FAM221A: variants seen among roughly 807,000 people sequenced by gnomAD.
FAM221A encodes protein FAM221A.
In FAM221A, 43 loss-of-function variants were observed where a neutral mutation model predicts 37.6. That is an observed-to-expected ratio of 1.15 (90% CI 0.90 to 1.48). The LOEUF is 1.48. FAM221A is among the 40% of genes most tolerant of loss of function. The pLI is 0.00. For synonymous variants in FAM221A, 135 were observed against 132.9 expected (o/e 1.02, Z -0.11); for missense variants, 361 against 361.5 (o/e 1.00, Z 0.01).
At chr7:23,697,820 T>C (rs1040689060) in intron 4 of FAM221A, among the ~76,000 whole-genome samples, 1 of 152,194 alleles carries the variant, frequency 6.6e-6, no homozygotes, top group Non-Finnish European at 1.5e-5. Context: ...GATGTGATCA[T>C]AGCTCACTGC....
At chr7:23,699,956 C>T (rs535461682) in intron 5 of FAM221A, among the ~76,000 whole-genome samples, 17 of 152,250 alleles carry the variant, frequency 1.1e-4, no homozygotes, top group East Asian at 1.9e-4. Flanking sequence ...CAAATGGTCC[C>T]ACATGATCCA....
In FAM221A at chr7:23,700,879, G is replaced by A. The variant is rs1785384114; in HGVS notation, c.828+11G>A. The A allele has an allele frequency of 6.3e-7, 1 of 1,583,194 alleles. No individual in the cohort carries two copies. Among genetic ancestry groups the A allele is most frequent in the Non-Finnish European group, 8.6e-7 (1 of 1,158,360 alleles). On this transcript the variant is annotated intron_variant, in intron 6 of 6. Coordinates refer to ENST00000344962, the MANE Select transcript of FAM221A (RefSeq NM_199136.5). ...CGATACCAGGAAAGGGTAGGTTTTT[G>A]AGGAAATTCAGTTGCACTAAGCATT...
chr7:23,694,584 C>T (rs1784942131), intron 4 of FAM221A: 1 of 152,150 alleles, frequency 6.6e-6, no homozygotes. Context: ...TTGTTTGAAC[C>T]ACATCACTTA....
chr7:23,700,692 AT>A (rs1429424270), intron 5 of FAM221A, 93 bp from the exon 6 acceptor site: 9 of 762,446 alleles, frequency 1.2e-5, no homozygotes, highest in Non-Finnish European at 1.9e-5. Context: ...AAAATAAAAC[AT>A]TATCACCGAG....
intron 2 of FAM221A, chr7:23,687,609 A>T (rs910342111): frequency 3.4e-5 from 5 of 148,846 alleles, no homozygotes; most frequent in African/African-American, 1.2e-4. Flanking sequence ...TTCTTGAAAC[A>T]TTATTAAATA....
At chr7:23,685,411 C>T (rs1044387144) in intron 2 of FAM221A, among the ~76,000 whole-genome samples, 2 of 152,162 alleles carry the variant, frequency 1.3e-5, no homozygotes, top group Admixed American at 1.3e-4. Context: ...AGTTCTCTTG[C>T]CATTGGTAAA....
At position 23,692,285 on chromosome 7, in the gene FAM221A, A is replaced by G. The variant is rs532090465; in HGVS notation, c.637+689A>G. ...AAGTTTTTTTTTTCTTTTTTACAAC[A>G]AGCATGTATTTTTTCATTTAAAAAT... On this transcript the variant is annotated intron_variant, in intron 4 of 6. Transcript: ENST00000344962. 4 of 693,782 alleles carry G rather than the reference A, an allele frequency of 5.8e-6. No individual in the cohort carries two copies. The South Asian group carries it at 2.0e-4, about 35-fold the overall frequency. 43.0% of individuals were successfully genotyped at this position (693,782 alleles called of 1,614,324 possible). A position where few individuals can be genotyped will look rare whatever the true frequency, so the allele number is the denominator to read the frequency against.
At position 23,684,515 on chromosome 7, in the gene FAM221A, G is replaced by T; in HGVS notation, c.82G>T (p.Asp28Tyr). 1 of 1,608,500 alleles carries T rather than the reference G, an allele frequency of 6.2e-7. No individual in the cohort carries two copies. The highest frequency in any genetic ancestry group is 8.5e-7 in the Non-Finnish European group (1 of 1,177,910). Reference sequence around the variant, plus strand: ...TTGTTGTAGAATTGTTGGTGAGGATGATGGAGGGAAACTTTTTACTCCTGA... The same window carrying T: ...TTGTTGTAGAATTGTTGGTGAGGATTATGGAGGGAAACTTTTTACTCCTGA... ...LEYRRIVGED[D>Y]GGKLFTPEEY... The change falls in exon 2 of 7, where the codon GAT becomes TAT. Residue 28 changes from aspartate (D) to tyrosine (Y), a missense_variant. By Grantham distance (160) the Asp-to-Tyr change is radical. Transcript: ENST00000344962.
intron 4 of FAM221A, chr7:23,692,862 T>C (rs551322595): frequency 1.8e-6 from 1 of 550,732 alleles, no homozygotes; most frequent in East Asian, 1.4e-4. Context: ...AGAGATAGGG[T>C]CTTGCTATGG....
chr7:23,700,325 T>C (rs1785342151), intron 5 of FAM221A, among the ~76,000 whole-genome samples: 1 of 152,210 alleles, frequency 6.6e-6, no homozygotes, highest in Non-Finnish European at 1.5e-5. Flanking sequence ...TATAAATTAG[T>C]GCTTGATCCA....
rs371705612 is a variant in FAM221A, at chr7:23,684,682, T to A, written c.239+10T>A. 9 of 1,572,186 alleles carry A rather than the reference T, an allele frequency of 5.7e-6. No homozygotes were observed. In the Middle Eastern group the frequency reaches 5.1e-4, roughly 89 times the overall value. ...GTTTTTGTACACATAGGTAAGATACTTTATTGCAAAGTTTTTTGATAATTA... is the reference window on the plus strand; with the variant it reads ...GTTTTTGTACACATAGGTAAGATACATTATTGCAAAGTTTTTTGATAATTA... On this transcript the variant is annotated intron_variant, in intron 2 of 6. Coordinates refer to ENST00000344962, the MANE Select transcript of FAM221A (RefSeq NM_199136.5).
chr7:23,691,968 C>G (rs1784779178), intron 4 of FAM221A, among the ~76,000 whole-genome samples: 1 of 152,102 alleles, frequency 6.6e-6, no homozygotes, highest in Non-Finnish European at 1.5e-5. Flanking sequence ...ACCTGTTACT[C>G]TACTGTATGT....
chr7:23,698,468 C>T lies in FAM221A; in HGVS notation c.745+169C>T, dbSNP rs111805428. Among the ~76,000 whole-genome samples the T allele has an allele frequency of 0.015, 2,215 of 152,238 alleles. 41 individuals carry two copies. Among genetic ancestry groups the T allele is most frequent in the African/African-American group, 0.05 (2,058 of 41,516 alleles). On this transcript the variant is annotated intron_variant, in intron 5 of 6. Coordinates refer to ENST00000344962, the MANE Select transcript of FAM221A (RefSeq NM_199136.5). ...AAGCCACACACTGAGAAAAAGCAAGCAACTTCATTTTGTATTGGGAAAAAT... is the reference window on the plus strand; with the variant it reads ...AAGCCACACACTGAGAAAAAGCAAGTAACTTCATTTTGTATTGGGAAAAAT...
chr7:23,694,397 C>T (rs1784927913), intron 4 of FAM221A: 3 of 152,104 alleles, frequency 2.0e-5, no homozygotes, highest in African/African-American at 7.2e-5. Context: ...TGCATTTTCT[C>T]TTCTAGGTAA....
At chr7:23,682,439 A>ATTT (rs59949135) in intron 1 of FAM221A, among the ~76,000 whole-genome samples, 4 of 79,424 alleles carry the variant, frequency 5.0e-5, no homozygotes, top group Admixed American at 1.4e-4. Flanking sequence ...TATTATTATT[A>ATTT]TTTTTTTTTT....
At chr7:23,686,094 C>T (rs1455538362) in intron 2 of FAM221A, among the ~76,000 whole-genome samples, 1 of 152,122 alleles carries the variant, frequency 6.6e-6, no homozygotes, top group Non-Finnish European at 1.5e-5. Context: ...CAACTAAAAA[C>T]ACTGAGGAGG....
In FAM221A at chr7:23,702,249, A is replaced by T. The variant is rs1785505543; in HGVS notation, c.*85A>T. The T allele has an allele frequency of 2.3e-6, 2 of 864,200 alleles. No homozygotes were observed. The highest frequency in any genetic ancestry group is 3.3e-6 in the Non-Finnish European group (2 of 599,070). 53.5% of individuals were successfully genotyped at this position (864,200 alleles called of 1,614,324 possible). A position where few individuals can be genotyped will look rare whatever the true frequency, so the allele number is the denominator to read the frequency against. ...AATAATACAGTTTATTTTTCCTGAA[A>T]TTATTTACTTTTTTTTTTTACTGTA... On this transcript the variant is annotated 3_prime_UTR_variant, in exon 7 of 7. Transcript: ENST00000344962.
intron 3 of FAM221A, among the ~76,000 whole-genome samples, chr7:23,690,603 G>A (rs945612525): frequency 3.9e-5 from 6 of 151,934 alleles, no homozygotes; most frequent in African/African-American, 7.2e-5. Flanking sequence ...TTTATACAAC[G>A]ACTTTTCTAA....
In FAM221A at chr7:23,680,201, T is replaced by A; in HGVS notation, c.-18T>A. The A allele has an allele frequency of 1.3e-6, 2 of 1,543,688 alleles. No homozygotes were observed. The highest frequency in any genetic ancestry group is 1.8e-6 in the Non-Finnish European group (2 of 1,141,070). On this transcript the variant is annotated 5_prime_UTR_variant, in exon 1 of 7. In the 5' UTR this introduces an upstream ATG that the reference lacks. Transcript: ENST00000344962. ...GGTCAGCTGGTCCGCAGGGAAGCCT[T>A]TGGCTTCCCCACCGGCAATGGAGCG...
Sources: gnomAD v4.1 joint callset for allele counts (sites outside exome capture counted in the v4.1 genomes callset) on GRCh38, gnomAD v4.1.1 for gene constraint, MANE v1.5 for transcripts, NCBI Gene and HGNC (gene_info 2026-07-23, HGNC 2026-07-21) for gene names.